LRRTM4: variants seen among roughly 807,000 people sequenced by gnomAD.
LRRTM4 encodes the protein leucine-rich repeat transmembrane neuronal protein 4.
A neutral mutation model predicts 47.6 loss-of-function variants in LRRTM4; 25 were observed. The observed-to-expected ratio is 0.53, with a 90% confidence interval of 0.38 to 0.73. The LOEUF is 0.73. Ranked by LOEUF, LRRTM4 falls within the 30% of genes least tolerant of loss-of-function variation. LRRTM4 has a pLI of 0.00. For missense variants in LRRTM4, 638 were observed against 713.4 expected (o/e 0.89, Z 1.20); for synonymous variants, 311 against 269.5 (o/e 1.15, Z -1.51).
intron 3 of LRRTM4, among the ~76,000 whole-genome samples, chr2:77,092,663 T>C (rs924097516): frequency 6.9e-6 from 1 of 144,700 alleles, no homozygotes; most frequent in Non-Finnish European, 1.5e-5. Context: ...GTAGATACTT[T>C]CACTGGATAG....
At chr2:76,851,016 G>T (rs1293731368) in intron 3 of LRRTM4, among the ~76,000 whole-genome samples, 1 of 152,182 alleles carries the variant, frequency 6.6e-6, no homozygotes, top group Non-Finnish European at 1.5e-5. Flanking sequence ...TGGCTAAGTA[G>T]GAGCAGCCAG....
intron 3 of LRRTM4, among the ~76,000 whole-genome samples, chr2:77,057,329 G>C (rs1253052374): frequency 6.6e-6 from 1 of 152,098 alleles, no homozygotes; most frequent in Non-Finnish European, 1.5e-5. Context: ...GAAAAGACTA[G>C]GCTAACAGTA....
At chr2:77,256,327 A>G (rs1027874239) in intron 3 of LRRTM4, among the ~76,000 whole-genome samples, 13 of 152,158 alleles carry the variant, frequency 8.5e-5, no homozygotes, top group African/African-American at 3.1e-4. Context: ...TTGGTAAACT[A>G]TACCAAACAT....
intron 3 of LRRTM4, among the ~76,000 whole-genome samples, chr2:77,282,176 T>C (rs1676524294): frequency 1.3e-5 from 2 of 151,936 alleles, no homozygotes; most frequent in South Asian, 4.1e-4. Context: ...GATTTATTCC[T>C]GGATACTTCA....
At chr2:76,786,938 A>T (rs1674703754) in intron 3 of LRRTM4, among the ~76,000 whole-genome samples, 1 of 152,110 alleles carries the variant, frequency 6.6e-6, no homozygotes, top group South Asian at 2.1e-4. Context: ...GAACACAATG[A>T]AAAGCTGTTT....
chr2:76,881,316 C>A (rs996286954), intron 3 of LRRTM4, among the ~76,000 whole-genome samples: 1 of 152,094 alleles, frequency 6.6e-6, no homozygotes, highest in Non-Finnish European at 1.5e-5. Context: ...CAACAATTCA[C>A]AGAATTTACT....
At chr2:77,083,447 C>T in intron 3 of LRRTM4, among the ~76,000 whole-genome samples, 1 of 152,142 alleles carries the variant, frequency 6.6e-6, no homozygotes, top group East Asian at 1.9e-4. Flanking sequence ...AATAAAAAAT[C>T]TACCACATAT....
chr2:77,006,965 G>C (rs1677676291), intron 3 of LRRTM4, among the ~76,000 whole-genome samples: 1 of 151,998 alleles, frequency 6.6e-6, no homozygotes, highest in South Asian at 2.1e-4. Context: ...GGTTCAAGGA[G>C]GACAAAAGAT....
intron 3 of LRRTM4, among the ~76,000 whole-genome samples, chr2:76,984,306 A>T (rs571735317): frequency 1.3e-5 from 2 of 152,080 alleles, no homozygotes; most frequent in East Asian, 3.9e-4. Context: ...TTTGTCCTCA[A>T]ATTTAGAAAT....
intron 3 of LRRTM4, among the ~76,000 whole-genome samples, chr2:77,385,212 G>A (rs1230372325): frequency 2.6e-5 from 4 of 151,934 alleles, no homozygotes; most frequent in African/African-American, 9.7e-5. Flanking sequence ...TTTTCAAAAG[G>A]GATCTGCAGT....
At chr2:77,514,596 T>C (rs1922822) in intron 3 of LRRTM4, among the ~76,000 whole-genome samples, 2,719 of 152,178 alleles carry the variant, frequency 0.018, 79 homozygotes, top group African/African-American at 0.061. Flanking sequence ...ATTTTCCTAA[T>C]AGCAGCACTG....
intron 3 of LRRTM4, among the ~76,000 whole-genome samples, chr2:77,385,456 T>C (rs1218018242): frequency 6.6e-6 from 1 of 152,170 alleles, no homozygotes; most frequent in Non-Finnish European, 1.5e-5. Flanking sequence ...AATGTTTGTG[T>C]AGTGTGATTC....
At chr2:76,947,408 G>A (rs1056885232) in intron 3 of LRRTM4, among the ~76,000 whole-genome samples, 2 of 151,726 alleles carry the variant, frequency 1.3e-5, no homozygotes, top group African/African-American at 4.8e-5. Flanking sequence ...TTGAAGCCAG[G>A]TTCTTATGAG....
At chr2:77,293,474 T>C (rs973916585) in intron 3 of LRRTM4, among the ~76,000 whole-genome samples, 1 of 152,028 alleles carries the variant, frequency 6.6e-6, no homozygotes, top group Non-Finnish European at 1.5e-5. Context: ...ACTAAAATAA[T>C]AAAGATGTCT....
At position 76,968,379 on chromosome 2, in the gene LRRTM4, T is replaced by C. The variant is rs1057206904; in HGVS notation, c.1552-219463A>G. ...ATATATATATATATATATATATATATATATACACATACATACATACATATA... is the reference window on the plus strand; with the variant it reads ...ATATATATATATATATATATATATACATATACACATACATACATACATATA... On this transcript the variant is annotated intron_variant, in intron 3 of 3. Transcript: ENST00000409884. Among the ~76,000 whole-genome samples, 1,060 of 117,862 alleles carry C rather than the reference T, an allele frequency of 9.0e-3. 24 individuals are homozygous for C. Among genetic ancestry groups the C allele is most frequent in the African/African-American group, 0.032 (976 of 30,956 alleles). 77.3% of individuals were successfully genotyped at this position (117,862 alleles called of 152,430 possible).
chr2:77,159,915 A>G (rs1373205510), intron 3 of LRRTM4, among the ~76,000 whole-genome samples: 1 of 152,198 alleles, frequency 6.6e-6, no homozygotes, highest in Non-Finnish European at 1.5e-5. Flanking sequence ...TGACAGAATC[A>G]ATCTAACACA....
chr2:77,394,955 AGTTGTCTTAATTT>A (rs1673645610), intron 3 of LRRTM4, among the ~76,000 whole-genome samples: 1 of 151,944 alleles, frequency 6.6e-6, no homozygotes, highest in Admixed American at 6.6e-5. Context: ...ATTGAGCTCA[AGTTGTCTTAATTT>A]GCTTATCTTG....
intron 3 of LRRTM4, among the ~76,000 whole-genome samples, chr2:77,329,132 T>C (rs1325858483): frequency 6.6e-6 from 1 of 152,216 alleles, no homozygotes. Flanking sequence ...GTCAGCAAAC[T>C]GCTCATCACA....
In LRRTM4 at chr2:76,807,455, T is replaced by C. The variant is rs1248559726; in HGVS notation, c.1552-58539A>G. Among the ~76,000 whole-genome samples, 477 of 102,580 alleles carry C rather than the reference T, an allele frequency of 4.7e-3. 14 individuals are homozygous for C. In the East Asian group the frequency reaches 0.059, roughly 13 times the overall value. The allele number at this position is 102,580 out of a possible 152,430, so 67.3% of individuals were successfully genotyped here. A position where few individuals can be genotyped will look rare whatever the true frequency, so the allele number is the denominator to read the frequency against. On this transcript the variant is annotated intron_variant, in intron 3 of 3. Coordinates refer to ENST00000409884, the MANE Select transcript of LRRTM4 (RefSeq NM_001134745.3). ...ATATATACGTATATACATATATATA[T>C]ATACATATATATATACATATATATA...
Sources: allele counts gnomAD v4.1 joint callset (sites outside exome capture counted in the v4.1 genomes callset), GRCh38; gene constraint gnomAD v4.1.1; transcripts MANE v1.5; gene names NCBI Gene and HGNC (gene_info 2026-07-23, HGNC 2026-07-21).